Variants in GIP observed in about 807,000 individuals in gnomAD.
The protein encoded by GIP is glucose-dependent insulinotropic polypeptide.
In GIP, 16 loss-of-function variants were observed where a neutral mutation model predicts 18.1. That is an observed-to-expected ratio of 0.88 (90% confidence interval 0.60 to 1.34). The LOEUF (loss-of-function observed/expected upper bound fraction) is 1.34, where lower values mean the gene tolerates loss of function less well. Among genes scored for constraint, GIP ranks in the 40% most tolerant of loss-of-function variants. The pLI is 0.00. For synonymous variants in GIP, 76 were observed against 74.0 expected (o/e 1.03, Z -0.14); for missense variants, 192 against 183.4 (o/e 1.05, Z -0.27).
Position 48,961,793 on chromosome 17 carries a change from T to G in GIP, c.284A>C (p.Glu95Ala). ...NDWKHNITQR[E>A]ARALELASQA... The stretch of plus-strand genomic sequence containing the variant: ...ACTGGCCAGCTCCAGCGCCCGAGCC[T>G]CCCTCTGGGTGATGTTGTGTTTCCA... Residue 95 changes from glutamate to alanine, a missense_variant, in exon 4 of 6, where the codon GAG (glutamate) becomes GCG (alanine). By Grantham distance (107) the Glu-to-Ala change is moderately radical. Transcript: ENST00000357424. The G allele has an allele frequency of 6.2e-7, 1 of 1,612,742 alleles. No homozygotes were observed. Among genetic ancestry groups the G allele is most frequent in the Non-Finnish European group, 8.5e-7 (1 of 1,179,590 alleles).
chr17:48,962,414 G>C (rs1343510668), intron 3 of GIP, among the ~76,000 whole-genome samples: 1 of 151,542 alleles, frequency 6.6e-6, no homozygotes, highest in Non-Finnish European at 1.5e-5. Flanking sequence ...CTGTTGCCAG[G>C]CTGGGGTGCA....
At position 48,964,457 on chromosome 17, in the gene GIP, C is replaced by T; in HGVS notation, c.110G>A (p.Gly37Glu). ...AGGGCTGCTCACCTTAGCATGAGATCCAACAGGCAGGGAGGGGAGAGCGCT... is the reference window on the plus strand; with the variant it reads ...AGGGCTGCTCACCTTAGCATGAGATTCAACAGGCAGGGAGGGGAGAGCGCT... Reference protein sequence around the residue: ...HFSALPSLPVGSHAKVSSPQP... With the variant: ...HFSALPSLPVESHAKVSSPQP... Residue 37 changes from glycine to glutamate, a missense_variant, in exon 3 of 6, where the codon GGA becomes GAA. Gly to Glu is a moderately conservative substitution (Grantham distance 98, BLOSUM62 -2). Coordinates refer to ENST00000357424, the MANE Select transcript of GIP (RefSeq NM_004123.3). 5.6e-6 allele frequency: 9 copies of T among 1,613,934 alleles called. No homozygotes were observed. Among genetic ancestry groups the T allele is most frequent in the Non-Finnish European group, 7.6e-6 (9 of 1,179,900 alleles).
chr17:48,964,214 T>A, intron 3 of GIP, 96 bp downstream of exon 3: 6 of 748,664 alleles, frequency 8.0e-6, no homozygotes, highest in African/African-American at 1.8e-5. Flanking sequence ...GGGTTGTGCA[T>A]CATGTGGCCT....
intron 3 of GIP, among the ~76,000 whole-genome samples, chr17:48,962,758 C>T (rs918746094): frequency 5.3e-5 from 8 of 152,134 alleles, no homozygotes; most frequent in African/African-American, 1.9e-4. Flanking sequence ...CATCCTCAGA[C>T]CCCTGGGGAT....
chr17:48,963,716 C>G (rs2041213603), intron 3 of GIP, among the ~76,000 whole-genome samples: 1 of 151,560 alleles, frequency 6.6e-6, no homozygotes, highest in Non-Finnish European at 1.5e-5. Context: ...TGCCTGTAAT[C>G]CTAGCTACTC....
rs768289436 is a variant in GIP, at chr17:48,964,410, C to G, written c.157G>C (p.Ala53Pro). 12 of 1,613,900 alleles carry G rather than the reference C, an allele frequency of 7.4e-6. No individual in the cohort carries two copies. Among genetic ancestry groups the G allele is most frequent in the Non-Finnish European group, 1.0e-5 (12 of 1,179,838 alleles). ...TAGTCACTGATGAAAGTCCCTTCCG[C>G]GTACCTGGGGCCTCGAGGTTGAGGG... ...SSPQPRGPRY[A>P]EGTFISDYSI... Residue 53 changes from alanine (A) to proline (P), a missense_variant, in exon 3 of 6, where the codon GCG becomes CCG. Ala to Pro is a conservative substitution (Grantham distance 27, BLOSUM62 -1). Transcript: ENST00000357424.
chr17:48,963,480 A>G (rs2041212130), intron 3 of GIP, among the ~76,000 whole-genome samples: 1 of 149,402 alleles, frequency 6.7e-6, no homozygotes, highest in African/African-American at 2.5e-5. Context: ...ACATGGTGAA[A>G]CCCTGTCTCT....
At position 48,964,293 on chromosome 17, in the gene GIP, T is replaced by C. The variant is rs1183887946; in HGVS notation, c.257+17A>G. 6.2e-7 allele frequency: 1 copy of C among 1,604,170 alleles called. No individual in the cohort carries two copies. The highest frequency in any genetic ancestry group is 1.1e-5 in the South Asian group (1 of 90,368). On this transcript the variant is annotated intron_variant, in intron 3 of 5. Coordinates refer to ENST00000357424, the MANE Select transcript of GIP (RefSeq NM_004123.3). ...AGCCCGGCACAGGGAACAGGAGGAG[T>C]GTAAGCAGCGACTCACTCATTCTTC...
chr17:48,964,363 A>C lies in GIP; in HGVS notation c.204T>G (p.Ile68Met), dbSNP rs2041221398. Reference protein sequence around the residue: ...ISDYSIAMDKIHQQDFVNWLL... With the variant: ...ISDYSIAMDKMHQQDFVNWLL... ...GCCAGTTCACAAAGTCTTGTTGGTG[A>C]ATCTTGTCCATGGCAATACTGTAGT... Residue 68 changes from isoleucine to methionine, a missense_variant, in exon 3 of 6, where the codon ATT (isoleucine) becomes ATG (methionine). Transcript: ENST00000357424. The C allele has an allele frequency of 6.2e-7, 1 of 1,613,690 alleles. No homozygotes were observed. The highest frequency in any genetic ancestry group is 8.5e-7 in the Non-Finnish European group (1 of 1,179,882).
intron 3 of GIP, among the ~76,000 whole-genome samples, chr17:48,962,825 G>A (rs962841454): frequency 4.6e-5 from 7 of 150,840 alleles, no homozygotes; most frequent in African/African-American, 1.7e-4. Flanking sequence ...AAGGATTAGG[G>A]CCAACACAGT....
At position 48,958,728 on chromosome 17, in the gene GIP, G is replaced by A; in HGVS notation, c.453-12C>T. 1.3e-6 allele frequency: 2 copies of A among 1,577,126 alleles called. No homozygotes were observed. The highest frequency in any genetic ancestry group is 8.6e-7 in the Non-Finnish European group (1 of 1,161,180). On this transcript the variant is annotated splice_polypyrimidine_tract_variant and intron_variant, in intron 5 of 5. Transcript: ENST00000357424. ...AGAGTCACCGAGACCTGGGGAGAGTGGGGAAAGGAGAAGAAGGTTGTTATG... is the reference window on the plus strand; with the variant it reads ...AGAGTCACCGAGACCTGGGGAGAGTAGGGAAAGGAGAAGAAGGTTGTTATG...
chr17:48,963,185 C>T (rs1325418500), intron 3 of GIP, among the ~76,000 whole-genome samples: 1 of 151,982 alleles, frequency 6.6e-6, no homozygotes, highest in Non-Finnish European at 1.5e-5. Flanking sequence ...AAGTCAGGGT[C>T]CTGGCCAGAG....
At chr17:48,964,209 G>A in intron 3 of GIP, 101 bp downstream of exon 3, 1 of 720,316 alleles carries the variant, frequency 1.4e-6, no homozygotes, top group South Asian at 1.9e-5. Flanking sequence ...ACCTGGGGTT[G>A]TGCATCATGT....
chr17:48,966,559 C>A (rs1021653703), intron 2 of GIP, among the ~76,000 whole-genome samples: 7 of 150,614 alleles, frequency 4.6e-5, no homozygotes, highest in African/African-American at 1.2e-4. Flanking sequence ...TCCATCCCCC[C>A]CCAAAAAAAA....
At chr17:48,960,329 G>A (rs111913708) in intron 5 of GIP, among the ~76,000 whole-genome samples, 3 of 29,638 alleles carry the variant, frequency 1.0e-4, no homozygotes, top group African/African-American at 3.2e-4. Context: ...AGGGACAGGC[G>A]GGACACAGGA....
rs753846858 is a variant in GIP, at chr17:48,960,979, G to A, written c.359C>T (p.Ala120Val). 56 of 1,603,770 alleles carry A rather than the reference G, an allele frequency of 3.5e-5. No homozygotes were observed. The highest frequency in any genetic ancestry group is 4.6e-5 in the Non-Finnish European group (54 of 1,174,958). Residue 120 changes from alanine (A) to valine (V), a missense_variant, in exon 5 of 6, where the codon GCC (alanine) becomes GTC (valine). Ala to Val is a moderately conservative substitution (Grantham distance 64). Transcript: ENST00000357424. ...EEAVEPQSSP[A>V]KNPSDEDLLR... ...CAAATCTTCATCGCTGGGGTTCTTG[G>A]CTGGGGAGCTGCAAGGGAACAGTCT...
rs370321827 is a variant in GIP at position 48,964,509 on chromosome 17, G to A, written c.87-29C>T. The A allele has an allele frequency of 5.7e-6, 9 of 1,589,178 alleles. No individual in the cohort carries two copies. In the African/African-American group the frequency reaches 1.2e-4, roughly 21 times the overall value. ...GAAACAAGGGTGCGGAGAAGGGGCA[G>A]AGATGGGGGGAGAATCACAATGCTA... On this transcript the variant is annotated intron_variant, in intron 2 of 5. Transcript: ENST00000357424.
intron 4 of GIP, among the ~76,000 whole-genome samples, chr17:48,961,523 C>A (rs993186369): frequency 6.6e-6 from 1 of 152,138 alleles, no homozygotes; most frequent in Non-Finnish European, 1.5e-5. Context: ...CTCCTAGCAC[C>A]CCTCCCGTTT....
At position 48,964,303 on chromosome 17, in the gene GIP, G is replaced by A. The variant is rs1555588229; in HGVS notation, c.257+7C>T. ...AGGGAACAGGAGGAGTGTAAGCAGC[G>A]ACTCACTCATTCTTCTTCCCCTTTT... is the stretch of plus-strand genomic sequence containing the variant. On this transcript the variant is annotated splice_region_variant and intron_variant, in intron 3 of 5. Coordinates refer to ENST00000357424, the MANE Select transcript of GIP (RefSeq NM_004123.3). 5.0e-6 allele frequency: 8 copies of A among 1,610,578 alleles called. No homozygotes were observed. In the South Asian group the frequency reaches 6.6e-5, roughly 13 times the overall value.
Sources: gnomAD v4.1 joint callset for allele counts (sites outside exome capture counted in the v4.1 genomes callset) on GRCh38, gnomAD v4.1.1 for gene constraint, MANE v1.5 for transcripts, NCBI Gene and HGNC (gene_info 2026-07-23, HGNC 2026-07-21) for gene names.